RGPD2: variants seen among roughly 807,000 people sequenced by gnomAD.
The protein encoded by RGPD2 is RANBP2-like and GRIP domain-containing protein 2.
Under a neutral mutation model 36.0 loss-of-function variants are expected in RGPD2, and 2 were observed. That is an observed-to-expected ratio of 0.06 (90% confidence interval 0.02 to 0.17). The LOEUF (loss-of-function observed/expected upper bound fraction) is 0.17. RGPD2 is among the 10% of genes least tolerant of loss of function. The probability of loss-of-function intolerance (pLI) is 1.00; values close to 1 mark genes in which losing one functional copy is unlikely to be tolerated. For synonymous variants in RGPD2, 19 were observed against 163.8 expected, an observed-to-expected ratio of 0.12 and a Z score of 6.75; for missense variants, 40 against 464.3, an observed-to-expected ratio of 0.09 and a Z score of 8.40.
At chr2:87,929,227 G>A in the RGPD2 span, among the ~76,000 whole-genome samples, 1 of 151,750 alleles carries the variant, frequency 6.6e-6, no homozygotes, top group Admixed American at 6.6e-5. Flanking sequence ...ATTAATTTTT[G>A]TATAAGGTGT....
At chr2:87,830,605 A>G (rs1401639362), upstream of RGPD2, among the ~76,000 whole-genome samples, 1 of 152,176 alleles carries the variant, frequency 6.6e-6, no homozygotes, top group Admixed American at 6.5e-5. Context: ...GCTCATTCTC[A>G]TACTGCTATG....
chr2:87,930,665 T>C, the RGPD2 span, among the ~76,000 whole-genome samples: 2 of 151,362 alleles, frequency 1.3e-5, no homozygotes, highest in Non-Finnish European at 3.0e-5. Context: ...GTACAGCTGG[T>C]AAAGTTCAGA....
At chr2:87,762,152 C>T (rs4040483) in intron 22 of RGPD2, among the ~76,000 whole-genome samples, 4 of 126,130 alleles carry the variant, frequency 3.2e-5, no homozygotes, top group African/African-American at 3.1e-5. Flanking sequence ...TAGAACTTTT[C>T]CATGTTTTCT....
chr2:87,853,404 T>TG, the RGPD2 span, among the ~76,000 whole-genome samples: 1 of 152,096 alleles, frequency 6.6e-6, no homozygotes, highest in Non-Finnish European at 1.5e-5. Flanking sequence ...TTTAAATTTT[T>TG]GTAGAGACAG....
At chr2:87,940,603 C>T in the RGPD2 span, among the ~76,000 whole-genome samples, 5 of 126,744 alleles carry the variant, frequency 3.9e-5, 1 homozygote, top group East Asian at 7.3e-4. Flanking sequence ...AAACAAGCAA[C>T]GGGAGTTTAT....
chr2:87,929,190 T>C, the RGPD2 span, among the ~76,000 whole-genome samples: 1 of 151,874 alleles, frequency 6.6e-6, no homozygotes, highest in Non-Finnish European at 1.5e-5. Flanking sequence ...TTTTGGGTTT[T>C]ACATTTCAGT....
chr2:87,864,807 A>AT, the RGPD2 span, among the ~76,000 whole-genome samples: 35 of 152,250 alleles, frequency 2.3e-4, no homozygotes, highest in Non-Finnish European at 4.4e-4. Context: ...GTTATTATTA[A>AT]TTTTTTACAG....
At chr2:87,872,962 G>A in the RGPD2 span, among the ~76,000 whole-genome samples, 6 of 152,268 alleles carry the variant, frequency 3.9e-5, no homozygotes, top group Non-Finnish European at 7.3e-5. Context: ...GTTTCACCAT[G>A]TTGGCCAGGC....
At chr2:87,824,774 CAGGCCG>C (rs1415835872) in intron 1 of RGPD2, among the ~76,000 whole-genome samples, 2 of 57,152 alleles carry the variant, frequency 3.5e-5, no homozygotes, top group Admixed American at 2.0e-4. Context: ...GCCGCCCGGC[CAGGCCG>C]AGGCCGAGGC....
At chr2:87,863,667 T>C in the RGPD2 span, among the ~76,000 whole-genome samples, 1 of 152,130 alleles carries the variant, frequency 6.6e-6, no homozygotes, top group African/African-American at 2.4e-5. Context: ...TATTTTGTTA[T>C]GAATACAGTT....
At chr2:87,962,386 C>G in the RGPD2 span, among the ~76,000 whole-genome samples, 12 of 149,692 alleles carry the variant, frequency 8.0e-5, 1 homozygote, top group East Asian at 2.4e-3. Context: ...TCCATATTTT[C>G]TAAATTTTGA....
chr2:87,822,224 G>A (rs1161723652), intron 1 of RGPD2, among the ~76,000 whole-genome samples: 2 of 151,840 alleles, frequency 1.3e-5, no homozygotes, highest in Non-Finnish European at 1.5e-5. Context: ...TCTCTCAAAA[G>A]GCAGAACAAA....
the RGPD2 span, among the ~76,000 whole-genome samples, chr2:87,966,275 A>G: frequency 2.0e-5 from 3 of 151,148 alleles, no homozygotes; most frequent in African/African-American, 4.8e-5. Context: ...TTATTTTGCA[A>G]TGGAACGAAA....
At chr2:87,844,013 G>A in the RGPD2 span, among the ~76,000 whole-genome samples, 1 of 150,922 alleles carries the variant, frequency 6.6e-6, no homozygotes, top group African/African-American at 2.4e-5. Flanking sequence ...ATTGAACAAT[G>A]AGAACACATG....
chr2:87,864,257 A>C, the RGPD2 span, among the ~76,000 whole-genome samples: 2 of 152,400 alleles, frequency 1.3e-5, no homozygotes, highest in Admixed American at 1.3e-4. Context: ...AAGGCAGAGA[A>C]AGGGTGAATT....
At chr2:87,857,179 G>C in the RGPD2 span, among the ~76,000 whole-genome samples, 1 of 152,188 alleles carries the variant, frequency 6.6e-6, no homozygotes. Flanking sequence ...TCTTATGAAA[G>C]ACAAATAAAA....
chr2:87,916,778 G>T, the RGPD2 span, among the ~76,000 whole-genome samples: 4 of 150,642 alleles, frequency 2.7e-5, no homozygotes, highest in African/African-American at 7.4e-5. Context: ...GCAGAACCAT[G>T]AGCCAATTAA....
chr2:87,832,316 G>A, the RGPD2 span, among the ~76,000 whole-genome samples: 18 of 150,176 alleles, frequency 1.2e-4, no homozygotes, highest in Admixed American at 1.1e-3. Context: ...TGTTTTAAAT[G>A]TACATGTACT....
At chr2:87,830,508 C>T (rs1174994789), upstream of RGPD2, among the ~76,000 whole-genome samples, 1 of 152,126 alleles carries the variant, frequency 6.6e-6, no homozygotes, top group Non-Finnish European at 1.5e-5. Context: ...TCAACCTCTG[C>T]CTGTTACCCA....
Sources: allele counts gnomAD v4.1 joint callset (sites outside exome capture counted in the v4.1 genomes callset), GRCh38; gene constraint gnomAD v4.1.1; transcripts MANE v1.5; gene names NCBI Gene and HGNC (gene_info 2026-07-23, HGNC 2026-07-21).